The following MYEF2 variants were observed in gnomAD, a reference collection of about 807,000 sequenced individuals.
MYEF2 encodes the protein myelin expression factor 2.
A neutral mutation model predicts 75.2 loss-of-function variants in MYEF2; 37 were observed. The observed-to-expected ratio is 0.49, with a 90% CI of 0.38 to 0.65. The LOEUF (loss-of-function observed/expected upper bound fraction) is 0.65. Ranked by LOEUF, MYEF2 falls within the 30% of genes least tolerant of loss-of-function variation. The pLI is 0.00. For missense variants in MYEF2, 634 were observed against 771.4 expected (o/e 0.82, Z 2.11); for synonymous variants, 195 against 241.6 (o/e 0.81, Z 1.79).
At chr15:48,165,891 T>C (rs769599617) in intron 5 of MYEF2, 42 bp downstream of exon 5, 9 of 1,367,968 alleles carry the variant, frequency 6.6e-6, no homozygotes, top group Middle Eastern at 2.2e-4. Flanking sequence ...AAAACATGTC[T>C]TTATAGTCAA....
At chr15:48,164,030 A>T (rs1411216618) in intron 5 of MYEF2, among the ~76,000 whole-genome samples, 2 of 152,204 alleles carry the variant, frequency 1.3e-5, no homozygotes, top group Non-Finnish European at 2.9e-5. Flanking sequence ...TAACCCATCA[A>T]TCAAGAAATA....
At chr15:48,157,712 T>C (rs1289822042) in intron 9 of MYEF2, 4 of 1,101,240 alleles carry the variant, frequency 3.6e-6, no homozygotes, top group Non-Finnish European at 4.5e-6. Context: ...GATGGTGAAA[T>C]TACAGAGGAC....
At chr15:48,176,006 C>A (rs2040503351) in intron 1 of MYEF2, among the ~76,000 whole-genome samples, 1 of 152,008 alleles carries the variant, frequency 6.6e-6, no homozygotes, top group African/African-American at 2.4e-5. Context: ...AGTGGTCTCC[C>A]ACCCTCAATA....
Position 48,137,991 on chromosome 15 carries a change from A to T in MYEF2, c.*4917T>A, listed in dbSNP as rs2038943940. 1 of 152,144 alleles carries T rather than the reference A, an allele frequency of 6.6e-6. No homozygotes were observed. Among genetic ancestry groups the T allele is most frequent in the African/African-American group, 2.4e-5 (1 of 41,460 alleles). The allele number at this position is 152,144 out of a possible 1,614,324, so 9.4% of individuals were successfully genotyped here. A position where few individuals can be genotyped will look rare whatever the true frequency, so the allele number is the denominator to read the frequency against. ...TAGGAGGGTTTTATTCTAATCTACT[A>T]CTTAAAATTTTAAAACATGACTTTT... On this transcript the variant is annotated 3_prime_UTR_variant, in exon 17 of 17. Coordinates refer to ENST00000324324, the MANE Select transcript of MYEF2 (RefSeq NM_016132.5).
chr15:48,158,165 AG>A lies in MYEF2; in HGVS notation c.921+9del, dbSNP rs750412773. 1.9e-6 allele frequency: 3 copies of A among 1,612,882 alleles called. No individual in the cohort carries two copies. The highest frequency in any genetic ancestry group is 1.7e-6 in the Non-Finnish European group (2 of 1,179,308). Reference sequence around the variant, plus strand: ...GAGGTTGGAGGTTGAAGTGATATACAGGAACTCACCATTTTCACATGCATAG... The same window carrying A: ...GAGGTTGGAGGTTGAAGTGATATACAGAACTCACCATTTTCACATGCATAG... On this transcript the variant is annotated intron_variant, in intron 8 of 16. Coordinates refer to ENST00000324324, the MANE Select transcript of MYEF2 (RefSeq NM_016132.5).
Position 48,168,921 on chromosome 15 carries a change from A to G in MYEF2, c.162-82T>C, listed in dbSNP as rs192559094. 5 of 1,077,834 alleles carry G rather than the reference A, an allele frequency of 4.6e-6. No homozygotes were observed. In the African/African-American group the frequency reaches 8.0e-5, roughly 17 times the overall value. 66.8% of individuals were successfully genotyped at this position (1,077,834 alleles called of 1,614,324 possible). On this transcript the variant is annotated intron_variant, in intron 1 of 16. Transcript: ENST00000324324. Reference sequence around the variant, plus strand: ...GAAGTCTATATTAAATAAGTATTCCATATTTATCACCTCACAAAACTCTCC... The same window carrying G: ...GAAGTCTATATTAAATAAGTATTCCGTATTTATCACCTCACAAAACTCTCC...
intron 1 of MYEF2, among the ~76,000 whole-genome samples, chr15:48,175,303 A>G (rs946509287): frequency 1.3e-5 from 2 of 152,170 alleles, no homozygotes; most frequent in Non-Finnish European, 2.9e-5. Flanking sequence ...GGTGTTTACC[A>G]GAGGTGGAGG....
At position 48,134,998 on chromosome 15, in the gene MYEF2, T is replaced by G. The variant is rs1346532966; in HGVS notation, c.*7910A>C. On this transcript the variant is annotated 3_prime_UTR_variant, in exon 17 of 17. Transcript: ENST00000324324. ...CCAAGTTTACTGGTAAGCTTGAAAATAATTCTTATGTAAAAATTAGAGATT... is the reference window on the plus strand; with the variant it reads ...CCAAGTTTACTGGTAAGCTTGAAAAGAATTCTTATGTAAAAATTAGAGATT... 14 of 1,563,966 alleles carry G rather than the reference T, an allele frequency of 9.0e-6. No individual in the cohort carries two copies. Among genetic ancestry groups the G allele is most frequent in the Non-Finnish European group, 1.2e-5 (14 of 1,144,676 alleles).
intron 16 of MYEF2, among the ~76,000 whole-genome samples, chr15:48,147,204 T>C (rs1028730107): frequency 1.3e-5 from 2 of 151,956 alleles, no homozygotes; most frequent in Non-Finnish European, 2.9e-5. Context: ...TGTCTTGCAA[T>C]TGCTGATGTC....
At chr15:48,146,965 G>C (rs2039306833) in intron 16 of MYEF2, among the ~76,000 whole-genome samples, 2 of 151,844 alleles carry the variant, frequency 1.3e-5, no homozygotes, top group Non-Finnish European at 2.9e-5. Flanking sequence ...ATAGGGAATT[G>C]TGTAAATATG....
At chr15:48,177,893 T>TG (rs1183607002) in intron 1 of MYEF2, among the ~76,000 whole-genome samples, 184 bp downstream of exon 1, 1 of 152,058 alleles carries the variant, frequency 6.6e-6, no homozygotes, top group Non-Finnish European at 1.5e-5. Flanking sequence ...CGGCCAGGCC[T>TG]GGGGCGGGCG....
At position 48,136,944 on chromosome 15, in the gene MYEF2, C is replaced by A; in HGVS notation, c.*5964G>T. 6.2e-7 allele frequency: 1 copy of A among 1,609,188 alleles called. No homozygotes were observed. Among genetic ancestry groups the A allele is most frequent in the Non-Finnish European group, 8.5e-7 (1 of 1,176,258 alleles). ...CTCAGCTCTCTATAAGTTTACATGG[C>A]CTTAGTCAGGTTTCTGAAGGTAATC... On this transcript the variant is annotated 3_prime_UTR_variant, in exon 17 of 17. Coordinates refer to ENST00000324324, the MANE Select transcript of MYEF2 (RefSeq NM_016132.5).
chr15:48,157,716 A>G (rs1236517664), intron 9 of MYEF2: 1 of 1,113,994 alleles, frequency 9.0e-7, no homozygotes, highest in East Asian at 4.8e-5. Flanking sequence ...GTGAAATTAC[A>G]GAGGACTTTT....
chr15:48,145,442 G>A (rs1335145621), intron 16 of MYEF2, among the ~76,000 whole-genome samples: 2 of 151,788 alleles, frequency 1.3e-5, no homozygotes, highest in East Asian at 1.9e-4. Flanking sequence ...AATCTTGTAC[G>A]ATTCCAAGAA....
Position 48,135,791 on chromosome 15 carries a change from A to G in MYEF2, c.*7117T>C, listed in dbSNP as rs2038883002. 1 of 152,148 alleles carries G rather than the reference A, an allele frequency of 6.6e-6. No individual in the cohort carries two copies. The highest frequency in any genetic ancestry group is 2.4e-5 in the African/African-American group (1 of 41,444). The allele number at this position is 152,148 out of a possible 1,614,324, so 9.4% of individuals were successfully genotyped here. A position where few individuals can be genotyped will look rare whatever the true frequency, so the allele number is the denominator to read the frequency against. Reference sequence around the variant, plus strand: ...GTAATACCTGCTATCAAGAAACTTAAAACCTAGCCAGAAGCATAATTTCTA... The same window carrying G: ...GTAATACCTGCTATCAAGAAACTTAGAACCTAGCCAGAAGCATAATTTCTA... On this transcript the variant is annotated 3_prime_UTR_variant, in exon 17 of 17. Coordinates refer to ENST00000324324, the MANE Select transcript of MYEF2 (RefSeq NM_016132.5).
chr15:48,141,245 T>A lies in MYEF2; in HGVS notation c.*1663A>T. 1 of 1,507,256 alleles carries A rather than the reference T, an allele frequency of 6.6e-7. No individual in the cohort carries two copies. The highest frequency in any genetic ancestry group is 9.2e-7 in the Non-Finnish European group (1 of 1,083,316). The allele number at this position is 1,507,256 out of a possible 1,614,324, so 93.4% of individuals were successfully genotyped here. On this transcript the variant is annotated 3_prime_UTR_variant, in exon 17 of 17. Transcript: ENST00000324324. ...AACTAGGTCCCTCAAGCTGCAATGGTCATTCTACAAGGCTAGAATGAGTAA... is the reference window on the plus strand; with the variant it reads ...AACTAGGTCCCTCAAGCTGCAATGGACATTCTACAAGGCTAGAATGAGTAA...
At position 48,178,122 on chromosome 15, in the gene MYEF2, T is replaced by G; in HGVS notation, c.116A>C (p.Glu39Ala). 1 of 1,592,692 alleles carries G rather than the reference T, an allele frequency of 6.3e-7. No individual in the cohort carries two copies. Among genetic ancestry groups the G allele is most frequent in the South Asian group, 1.1e-5 (1 of 88,568 alleles). The change falls in exon 1 of 17, where the codon GAG becomes GCG. Residue 39 changes from glutamate to alanine, a missense_variant. Coordinates refer to ENST00000324324, the MANE Select transcript of MYEF2 (RefSeq NM_016132.5). ...PRREPHPAEAEKQQPQHSSSS... is the reference protein window; with the variant it reads ...PRREPHPAEAAKQQPQHSSSS... ...GCTGCTGTGCTGCGGCTGCTGCTTC[T>G]CCGCCTCCGCGGGGTGCGGCTCTCG...
chr15:48,156,593 T>A (rs1304864892), intron 9 of MYEF2, among the ~76,000 whole-genome samples: 1 of 151,532 alleles, frequency 6.6e-6, no homozygotes, highest in African/African-American at 2.4e-5. Context: ...TACACATAAT[T>A]TCTAGCAAAT....
At chr15:48,157,300 T>C (rs2039736974) in intron 9 of MYEF2, 1 of 152,102 alleles carries the variant, frequency 6.6e-6, no homozygotes, top group African/African-American at 2.4e-5. Context: ...AGACACATAA[T>C]ACAATAAGTA....
Sources: allele counts gnomAD v4.1 joint callset (sites outside exome capture counted in the v4.1 genomes callset), GRCh38; gene constraint gnomAD v4.1.1; transcripts MANE v1.5; gene names NCBI Gene and HGNC (gene_info 2026-07-23, HGNC 2026-07-21).